LAMA2: variants seen among roughly 807,000 people sequenced by gnomAD.
The protein encoded by LAMA2 is laminin subunit alpha-2.
A neutral mutation model predicts 364.8 loss-of-function variants in LAMA2; 269 were observed. That is an observed-to-expected ratio of 0.74 (90% CI 0.67 to 0.82). LAMA2 has a LOEUF of 0.82. Ranked by LOEUF, LAMA2 falls within the 40% of genes least tolerant of loss-of-function variation. The pLI is 0.00. For synonymous variants in LAMA2, 1,379 were observed against 1,370.6 expected (o/e 1.01, Z -0.14); for missense variants, 3,807 against 3,873.2 (o/e 0.98, Z 0.45).
intron 12 of LAMA2, among the ~76,000 whole-genome samples, chr6:129,239,992 C>A (rs1357193448): frequency 6.6e-6 from 1 of 152,168 alleles, no homozygotes; most frequent in Non-Finnish European, 1.5e-5. Flanking sequence ...ATTCCCAGAA[C>A]CTCAAAATTA....
chr6:128,926,135 T>A (rs2114501566), intron 1 of LAMA2, among the ~76,000 whole-genome samples: 1 of 152,372 alleles, frequency 6.6e-6, no homozygotes, highest in South Asian at 2.1e-4. Flanking sequence ...TTGAAAGTTG[T>A]GTGCCTTTTT....
intron 2 of LAMA2, among the ~76,000 whole-genome samples, chr6:129,057,053 A>AT (rs201463398): frequency 7.2e-4 from 109 of 151,892 alleles, no homozygotes; most frequent in African/African-American, 2.6e-3. Flanking sequence ...TTTTAATAAA[A>AT]TTTTTCTTTT....
chr6:129,102,951 T>G (rs1459176060), intron 4 of LAMA2, among the ~76,000 whole-genome samples: 1 of 152,228 alleles, frequency 6.6e-6, no homozygotes, highest in Admixed American at 6.5e-5. Flanking sequence ...AGCCAGCGTG[T>G]GTGGGAATTA....
intron 4 of LAMA2, among the ~76,000 whole-genome samples, chr6:129,130,489 G>C (rs1312232505): frequency 6.6e-6 from 1 of 152,204 alleles, no homozygotes; most frequent in Admixed American, 6.5e-5. Context: ...TCCTCTTAAT[G>C]AGCCTGTGTC....
chr6:128,951,559 T>G (rs1780823750), intron 1 of LAMA2, among the ~76,000 whole-genome samples: 1 of 152,172 alleles, frequency 6.6e-6, no homozygotes, highest in Middle Eastern at 3.2e-3. Context: ...TCCACTGAAC[T>G]GTAGCTTGGA....
intron 1 of LAMA2, chr6:128,929,774 A>G: frequency 9.2e-7 from 1 of 1,089,010 alleles, no homozygotes; most frequent in Non-Finnish European, 1.4e-6. Flanking sequence ...GTGTAAAACC[A>G]CAACTGTCTC....
At chr6:129,182,645 A>G (rs1780997858) in intron 10 of LAMA2, among the ~76,000 whole-genome samples, 1 of 151,812 alleles carries the variant, frequency 6.6e-6, no homozygotes, top group Admixed American at 6.6e-5. Flanking sequence ...AAAACATAAA[A>G]CAATGCTACA....
rs754331488 is a variant in LAMA2 at position 129,440,941 on chromosome 6, A to C, written c.6211A>C (p.Lys2071Gln). 6.2e-7 allele frequency: 1 copy of C among 1,613,998 alleles called. No individual in the cohort carries two copies. Among genetic ancestry groups the C allele is most frequent in the Admixed American group, 1.7e-5 (1 of 59,992 alleles). The change falls in exon 43 of 65, where the codon AAA (lysine) becomes CAA (glutamine). Residue 2071 changes from lysine (K) to glutamine (Q), a missense_variant. Around this residue, in one of 3 missense-constraint regions of LAMA2, gnomAD observed 3,333 missense variants for 3,345.7 expected, o/e 1.00. Coordinates refer to ENST00000421865, the MANE Select transcript of LAMA2 (RefSeq NM_000426.4). ...CGATGGCCTGAAGAAGAATTACAAT[A>C]AACTAGCAGACAGCGTCGCCAAAAC... ...NLDGLKKNYN[K>Q]LADSVAKTNA...
At chr6:129,278,850 A>G (rs954235146) in intron 17 of LAMA2, among the ~76,000 whole-genome samples, 6 of 152,168 alleles carry the variant, frequency 3.9e-5, no homozygotes, top group African/African-American at 1.4e-4. Flanking sequence ...CCTTGCTAGT[A>G]TCCCAAAAAT....
At chr6:129,029,083 T>C (rs557254385) in intron 1 of LAMA2, among the ~76,000 whole-genome samples, 16 of 151,802 alleles carry the variant, frequency 1.1e-4, no homozygotes, top group Non-Finnish European at 1.6e-4. Context: ...CAAAATATTA[T>C]TAAAAATACA....
chr6:129,467,466 T>G (rs970995605), intron 51 of LAMA2, among the ~76,000 whole-genome samples: 2 of 151,834 alleles, frequency 1.3e-5, no homozygotes, highest in Non-Finnish European at 2.9e-5. Flanking sequence ...TTATGCAATA[T>G]ATCCATGAAA....
In LAMA2 at chr6:128,961,324, T is replaced by G. The variant is rs1187250552; in HGVS notation, c.112+77967T>G. ...AGAGGGACAGAACTAATATGATATA[T>G]ATATATATATATATATATATATATA... On this transcript the variant is annotated intron_variant, in intron 1 of 64. Transcript: ENST00000421865. Among the ~76,000 whole-genome samples the G allele has an allele frequency of 8.7e-4, 23 of 26,410 alleles. 1 individual carries two copies. The highest frequency in any genetic ancestry group is 3.6e-3 in the Admixed American group (11 of 3,018). 17.3% of individuals were successfully genotyped at this position (26,410 alleles called of 152,430 possible).
At chr6:129,214,940 G>A (rs1204139897) in intron 12 of LAMA2, among the ~76,000 whole-genome samples, 1 of 151,888 alleles carries the variant, frequency 6.6e-6, no homozygotes, top group African/African-American at 2.4e-5. Flanking sequence ...ATTTTTCTTT[G>A]ATTTCTTTCA....
intron 3 of LAMA2, among the ~76,000 whole-genome samples, chr6:129,068,483 C>A (rs1259958254): frequency 6.6e-6 from 1 of 152,176 alleles, no homozygotes; most frequent in Non-Finnish European, 1.5e-5. Flanking sequence ...CCTCACATGG[C>A]AGAAGGGGCA....
At chr6:129,379,411 G>A (rs895876865) in intron 34 of LAMA2, among the ~76,000 whole-genome samples, 4 of 151,850 alleles carry the variant, frequency 2.6e-5, no homozygotes, top group African/African-American at 7.3e-5. Flanking sequence ...AAAAATACAA[G>A]TAATTCTGAG....
chr6:129,364,935 G>A (rs1007614736), intron 32 of LAMA2, among the ~76,000 whole-genome samples: 2 of 152,160 alleles, frequency 1.3e-5, no homozygotes, highest in African/African-American at 4.8e-5. Context: ...GGAAGTGGGG[G>A]CTGGAGGTGG....
At chr6:128,899,727 TA>T (rs1482878213) in intron 1 of LAMA2, among the ~76,000 whole-genome samples, 1 of 152,160 alleles carries the variant, frequency 6.6e-6, no homozygotes, top group Non-Finnish European at 1.5e-5. Flanking sequence ...AGATAATAGA[TA>T]AAATATTTTA....
intron 1 of LAMA2, among the ~76,000 whole-genome samples, chr6:129,038,106 A>G (rs1786795257): frequency 6.6e-6 from 1 of 152,230 alleles, no homozygotes; most frequent in Admixed American, 6.5e-5. Context: ...ACATTAAAAA[A>G]TAACTAGATG....
rs144534372 is a variant in LAMA2, at chr6:129,403,748, C to T, written c.5727-73C>T. 2.1e-3 allele frequency: 2,940 copies of T among 1,402,126 alleles called. 45 individuals are homozygous for T. In the African/African-American group the frequency reaches 0.036, roughly 17 times the overall value. The allele number at this position is 1,402,126 out of a possible 1,614,324, so 86.9% of individuals were successfully genotyped here. On this transcript the variant is annotated intron_variant, in intron 39 of 64. Coordinates refer to ENST00000421865, the MANE Select transcript of LAMA2 (RefSeq NM_000426.4). ...CCATGATCATTTGGAAGCCAGATTT[C>T]ATATAATTAGGACGTTCTTCATTTG... is the stretch of plus-strand genomic sequence containing the variant.
Sources: gnomAD v4.1 joint callset for allele counts (sites outside exome capture counted in the v4.1 genomes callset) on GRCh38, gnomAD v4.1.1 for gene constraint, gnomAD v4.1.1 regional missense constraint, MANE v1.5 for transcripts, NCBI Gene and HGNC (gene_info 2026-07-23, HGNC 2026-07-21) for gene names.